Variants in LOC728743 observed in about 807,000 individuals in gnomAD.
At chr7:150,402,856 G>A in the LOC728743 span, among the ~76,000 whole-genome samples, 30 of 152,204 alleles carry the variant, frequency 2.0e-4, no homozygotes, top group Admixed American at 2.0e-3. Flanking sequence ...TTGTGCCCCA[G>A]GGTGACTACA....
At chr7:150,408,167 C>T in the LOC728743 span, 1 of 392,076 alleles carries the variant, frequency 2.6e-6, no homozygotes, top group East Asian at 3.6e-5. Context: ...GACCCATCAG[C>T]GCAGCCACGG....
At chr7:150,408,979 G>A in the LOC728743 span, among the ~76,000 whole-genome samples, 949 of 152,286 alleles carry the variant, frequency 6.2e-3, 7 homozygotes, top group Middle Eastern at 0.02. Flanking sequence ...GCTCACACTC[G>A]GTGTGTGACG....
chr7:150,409,048 C>A, the LOC728743 span, among the ~76,000 whole-genome samples: 438 of 151,550 alleles, frequency 2.9e-3, no homozygotes, highest in South Asian at 0.019. Context: ...GGTTTCTCTT[C>A]GTCACCCAGG....
chr7:150,405,703 CGGGTG>C, the LOC728743 span: 10 of 151,642 alleles, frequency 6.6e-5, no homozygotes, highest in African/African-American at 2.4e-4. Flanking sequence ...TGTGTAAGGT[CGGGTG>C]GGGTGGGGTC....
At chr7:150,403,540 G>T in the LOC728743 span, among the ~76,000 whole-genome samples, 1 of 152,214 alleles carries the variant, frequency 6.6e-6, no homozygotes, top group Non-Finnish European at 1.5e-5. The surrounding 1 kb of genome is among the most constrained non-coding windows in gnomAD (Gnocchi z 5.1). Context: ...GCTCTGGCAG[G>T]TGACAGCAGG....
At chr7:150,410,997 G>A in the LOC728743 span, 1 of 152,366 alleles carries the variant, frequency 6.6e-6, no homozygotes, top group East Asian at 1.9e-4. Context: ...CCTAACGAAT[G>A]GTGCGTCAGG....
chr7:150,408,658 G>A, the LOC728743 span, among the ~76,000 whole-genome samples: 6 of 152,208 alleles, frequency 3.9e-5, no homozygotes, highest in African/African-American at 1.4e-4. Flanking sequence ...AGAGTTGAAA[G>A]AGACTTGGAG....
the LOC728743 span, chr7:150,407,933 A>G: frequency 2.2e-5 from 9 of 412,248 alleles, no homozygotes; most frequent in Non-Finnish European, 3.9e-5. Flanking sequence ...CTTCAGCCTC[A>G]AGCAGAACCT....
At chr7:150,410,566 A>G in the LOC728743 span, 2 of 208,970 alleles carry the variant, frequency 9.6e-6, no homozygotes, top group Non-Finnish European at 1.9e-5. Context: ...TAACACAGCA[A>G]GTTGGTGGCA....
the LOC728743 span, among the ~76,000 whole-genome samples, chr7:150,409,140 AG>A: frequency 3.7e-4 from 41 of 112,028 alleles, no homozygotes; most frequent in Admixed American, 3.7e-3. Context: ...GGTGTTTTCA[AG>A]GGAGGGGGGG....
the LOC728743 span, among the ~76,000 whole-genome samples, chr7:150,402,282 A>G: frequency 2.1e-4 from 32 of 152,242 alleles, no homozygotes; most frequent in African/African-American, 7.2e-4. Context: ...TTTTAATTCC[A>G]AGGAAAGAGA....
the LOC728743 span, among the ~76,000 whole-genome samples, chr7:150,403,482 G>A: frequency 8.5e-5 from 13 of 152,188 alleles, no homozygotes; most frequent in Non-Finnish European, 1.6e-4. This position sits in a 1 kb window ranked among gnomAD's most constrained non-coding sequence, Gnocchi z 5.1. Flanking sequence ...GGTGTTCACC[G>A]AGTGTCCCCA....
At chr7:150,408,132 G>C in the LOC728743 span, 6 of 387,374 alleles carry the variant, frequency 1.5e-5, no homozygotes, top group Non-Finnish European at 2.7e-5. Context: ...TGCGGCAAGA[G>C]CTTCGCGCGC....
At chr7:150,408,507 G>A in the LOC728743 span, 3 of 276,926 alleles carry the variant, frequency 1.1e-5, no homozygotes, top group East Asian at 1.9e-4. Context: ...TGCGGGGCTG[G>A]CCAGAGCCCC....
chr7:150,403,583 G>A, the LOC728743 span, among the ~76,000 whole-genome samples: 5 of 152,198 alleles, frequency 3.3e-5, no homozygotes, highest in African/African-American at 4.8e-5. This position sits in a 1 kb window ranked among gnomAD's most constrained non-coding sequence, Gnocchi z 5.1. Context: ...GATGTGCTCC[G>A]AGTGGAGGCA....
chr7:150,411,823 C>T, the LOC728743 span: 1 of 152,694 alleles, frequency 6.5e-6, no homozygotes, highest in African/African-American at 2.4e-5. Flanking sequence ...CCCCCTCTGC[C>T]CATCACTGTG....
chr7:150,410,699 G>A, the LOC728743 span: 1 of 152,614 alleles, frequency 6.6e-6, no homozygotes, highest in African/African-American at 2.4e-5. Context: ...ATCTGATGAA[G>A]GTTACGGACC....
chr7:150,407,909 G>T, the LOC728743 span: 1 of 414,948 alleles, frequency 2.4e-6, no homozygotes, highest in East Asian at 3.5e-5. Flanking sequence ...CCCCTGCCCC[G>T]AGTGCGGCCG....
At chr7:150,407,998 C>T in the LOC728743 span, 6 of 398,586 alleles carry the variant, frequency 1.5e-5, no homozygotes, top group Non-Finnish European at 2.2e-5. Flanking sequence ...GCGCGCAGTG[C>T]GGCCGCTGCT....
Sources: gnomAD v4.1 joint callset for allele counts (sites outside exome capture counted in the v4.1 genomes callset) on GRCh38, gnomAD v4.1.1 for gene constraint, Gnocchi (gnomAD v3.1) non-coding constraint, MANE v1.5 for transcripts.